Variants in MAPRE2 observed in about 807,000 individuals in gnomAD.
MAPRE2 encodes the protein microtubule-associated protein RP/EB family member 2.
MAPRE2 carries 13 observed loss-of-function variants against 43.2 expected under a neutral mutation model. The ratio of observed to expected loss-of-function variants is 0.30; its 90% CI spans 0.20 to 0.48. The LOEUF is 0.48. MAPRE2 is among the 20% of genes least tolerant of loss of function. MAPRE2 has a pLI of 0.99. For synonymous variants in MAPRE2, 135 were observed against 148.8 expected, an observed-to-expected ratio of 0.91 and a Z score of 0.68; for missense variants, 161 against 400.2, an observed-to-expected ratio of 0.40 and a Z score of 5.10.
At chr18:35,055,294 G>A (rs1229165082) in intron 1 of MAPRE2, among the ~76,000 whole-genome samples, 1 of 151,958 alleles carries the variant, frequency 6.6e-6, no homozygotes, top group Non-Finnish European at 1.5e-5. Flanking sequence ...GCTTCTTTTG[G>A]CCCCCATGTG....
At chr18:35,052,731 G>T (rs891727728) in intron 1 of MAPRE2, among the ~76,000 whole-genome samples, 5 of 152,094 alleles carry the variant, frequency 3.3e-5, no homozygotes, top group African/African-American at 1.2e-4. Context: ...CTTACTATCA[G>T]TCTCTTAAAT....
intron 1 of MAPRE2, among the ~76,000 whole-genome samples, chr18:35,042,172 C>T (rs1377934340): frequency 1.3e-5 from 2 of 152,154 alleles, no homozygotes; most frequent in South Asian, 2.1e-4. Context: ...GAATTCTGCT[C>T]GCTGATTGGT....
At chr18:35,021,578 C>T (rs1415229440) in intron 2 of MAPRE2, among the ~76,000 whole-genome samples, 1 of 151,974 alleles carries the variant, frequency 6.6e-6, no homozygotes, top group Non-Finnish European at 1.5e-5. Context: ...GGCCCCACTC[C>T]TCCCAGAAAA....
chr18:35,022,047 G>C (rs984188042), intron 2 of MAPRE2, among the ~76,000 whole-genome samples: 6 of 152,130 alleles, frequency 3.9e-5, no homozygotes, highest in Admixed American at 1.3e-4. Flanking sequence ...TGCTTTCAAA[G>C]TTCTGAGGGA....
intron 6 of MAPRE2, among the ~76,000 whole-genome samples, chr18:35,138,276 A>G (rs1428200209): frequency 1.3e-5 from 2 of 152,136 alleles, no homozygotes; most frequent in African/African-American, 4.8e-5. Context: ...CAATTAAGGA[A>G]TTTGGGAGTG....
intron 2 of MAPRE2, among the ~76,000 whole-genome samples, chr18:35,006,109 A>T (rs1483533708): frequency 1.3e-5 from 2 of 152,184 alleles, no homozygotes; most frequent in Non-Finnish European, 2.9e-5. Flanking sequence ...CTCTGTAAGT[A>T]ATGTCTTCAA....
intron 2 of MAPRE2, among the ~76,000 whole-genome samples, chr18:35,010,080 T>G (rs371600404): frequency 5.9e-5 from 9 of 152,178 alleles, no homozygotes; most frequent in African/African-American, 2.2e-4. Flanking sequence ...ATTTTTTAAT[T>G]TACAATTTTT....
At chr18:35,137,737 C>T (rs924059119) in intron 6 of MAPRE2, among the ~76,000 whole-genome samples, 4 of 152,126 alleles carry the variant, frequency 2.6e-5, no homozygotes, top group African/African-American at 7.2e-5. Flanking sequence ...GTGTAGCCAC[C>T]CAGCAAGAAC....
At chr18:34,980,031 C>CTTTT (rs796434537) in intron 1 of MAPRE2, among the ~76,000 whole-genome samples, 71 of 46,086 alleles carry the variant, frequency 1.5e-3, no homozygotes, top group East Asian at 3.4e-3. Flanking sequence ...TTCTTTTTTT[C>CTTTT]TTTTTTTTTT....
intron 1 of MAPRE2, among the ~76,000 whole-genome samples, chr18:35,004,872 C>G (rs1371019243): frequency 2.0e-5 from 3 of 150,470 alleles, no homozygotes; most frequent in Non-Finnish European, 3.0e-5. Flanking sequence ...GAGCCGAGAT[C>G]GCGCCACTGC....
At chr18:35,028,859 GAGA>G (rs1481143691) in intron 2 of MAPRE2, among the ~76,000 whole-genome samples, 1 of 152,230 alleles carries the variant, frequency 6.6e-6, no homozygotes, top group East Asian at 1.9e-4. Flanking sequence ...AGGCTGTGTA[GAGA>G]AGTTCATTCC....
intron 1 of MAPRE2, among the ~76,000 whole-genome samples, chr18:35,045,030 T>G (rs1466241718): frequency 2.0e-5 from 3 of 152,164 alleles, no homozygotes; most frequent in Non-Finnish European, 4.4e-5. Context: ...GATTAGTAAT[T>G]CCAATTGAAA....
chr18:35,096,959 G>A (rs951479518), intron 2 of MAPRE2, among the ~76,000 whole-genome samples: 1 of 152,188 alleles, frequency 6.6e-6, no homozygotes, highest in Non-Finnish European at 1.5e-5. Flanking sequence ...AAAACAGCTT[G>A]AGCATATGTG....
intron 2 of MAPRE2, among the ~76,000 whole-genome samples, chr18:35,090,731 C>A (rs78844081): frequency 3.1e-4 from 34 of 110,352 alleles, no homozygotes; most frequent in Admixed American, 5.5e-4. Flanking sequence ...GATTCGGTCT[C>A]AAAAAAAAAA....
intron 6 of MAPRE2, among the ~76,000 whole-genome samples, chr18:35,139,795 G>C (rs146751204): frequency 6.6e-6 from 1 of 152,146 alleles, no homozygotes; most frequent in Non-Finnish European, 1.5e-5. Context: ...CGACACTGCC[G>C]AGCAAGAAGA....
intron 4 of MAPRE2, among the ~76,000 whole-genome samples, chr18:35,103,716 G>A (rs533158918): frequency 1.3e-4 from 20 of 152,282 alleles, no homozygotes; most frequent in African/African-American, 4.8e-4. Flanking sequence ...AGCAGAGAAG[G>A]TGCCAGAAAG....
chr18:35,065,644 AC>A (rs1477122882), intron 1 of MAPRE2, among the ~76,000 whole-genome samples: 1 of 151,696 alleles, frequency 6.6e-6, no homozygotes, highest in East Asian at 1.9e-4. Context: ...ACCTCTGCCT[AC>A]CGGGTTCAAG....
intron 1 of MAPRE2, among the ~76,000 whole-genome samples, chr18:35,053,557 A>G (rs1906058785): frequency 6.6e-6 from 1 of 151,982 alleles, no homozygotes; most frequent in Non-Finnish European, 1.5e-5. Flanking sequence ...TAGATAGGAG[A>G]TGCTCTTCTA....
intron 2 of MAPRE2, among the ~76,000 whole-genome samples, chr18:35,072,087 C>G (rs16966388): frequency 0.029 from 4,369 of 152,308 alleles, 201 homozygotes; most frequent in African/African-American, 0.1. Flanking sequence ...GCAGCTTATG[C>G]AACTTCAGAT....
Sources: gnomAD v4.1 joint callset for allele counts (sites outside exome capture counted in the v4.1 genomes callset) on GRCh38, gnomAD v4.1.1 for gene constraint, MANE v1.5 for transcripts, NCBI Gene and HGNC (gene_info 2026-07-23, HGNC 2026-07-21) for gene names.